The following PKP2 variants were observed in gnomAD, a reference collection of about 807,000 sequenced individuals.
The protein encoded by PKP2 is plakophilin-2.
In PKP2, 73 loss-of-function variants were observed where a neutral mutation model predicts 83.4. That is an observed-to-expected ratio of 0.88 (90% CI 0.72 to 1.06). The LOEUF (loss-of-function observed/expected upper bound fraction) is 1.06, where lower values mean the gene tolerates loss of function less well. PKP2 is among the 50% of genes least tolerant of loss of function. PKP2 has a pLI of 0.00. For missense variants in PKP2, 966 were observed against 1,065.4 expected (o/e 0.91, Z 1.30); for synonymous variants, 409 against 430.4 (o/e 0.95, Z 0.62).
At chr12:32,881,152 C>T (rs753087588) in intron 1 of PKP2, among the ~76,000 whole-genome samples, 1 of 152,156 alleles carries the variant, frequency 6.6e-6, no homozygotes, top group African/African-American at 2.4e-5. Context: ...TAAATCCATC[C>T]TAAATTATGT....
intron 6 of PKP2, among the ~76,000 whole-genome samples, chr12:32,829,466 G>T (rs991967170): frequency 1.3e-5 from 2 of 151,660 alleles, no homozygotes; most frequent in Admixed American, 6.6e-5. Flanking sequence ...GCCCAGGCTG[G>T]TTTCAAACTC....
At chr12:32,853,560 G>A (rs1043768375) in intron 4 of PKP2, among the ~76,000 whole-genome samples, 7 of 147,524 alleles carry the variant, frequency 4.7e-5, no homozygotes, top group African/African-American at 1.8e-4. Context: ...AGGTTGGAGT[G>A]CAGTGACACG....
chr12:32,861,265 C>A (rs1314308730), intron 4 of PKP2, among the ~76,000 whole-genome samples: 1 of 152,040 alleles, frequency 6.6e-6, no homozygotes, highest in Non-Finnish European at 1.5e-5. Context: ...CTAGAATAGA[C>A]ACAGATATTA....
chr12:32,836,114 C>G (rs1321413979), intron 6 of PKP2, among the ~76,000 whole-genome samples: 1 of 152,222 alleles, frequency 6.6e-6, no homozygotes, highest in Non-Finnish European at 1.5e-5. Context: ...GATTTTCCCA[C>G]TCATTAAGCT....
At chr12:32,871,529 G>A (rs1239893502) in intron 3 of PKP2, among the ~76,000 whole-genome samples, 1 of 151,808 alleles carries the variant, frequency 6.6e-6, no homozygotes, top group Non-Finnish European at 1.5e-5. Flanking sequence ...GCAGTGGCAC[G>A]ATCTCGGCTC....
intron 9 of PKP2, among the ~76,000 whole-genome samples, chr12:32,808,767 C>T (rs1298275780): frequency 1.3e-5 from 2 of 152,114 alleles, no homozygotes; most frequent in East Asian, 1.9e-4. Context: ...GCTACTGACT[C>T]TTAGCAACCA....
At chr12:32,852,287 G>A (rs758990235) in intron 4 of PKP2, among the ~76,000 whole-genome samples, 30 of 152,160 alleles carry the variant, frequency 2.0e-4, no homozygotes, top group Non-Finnish European at 3.8e-4. Context: ...TATGCTCAGC[G>A]GAGAGCTGCA....
chr12:32,851,676 G>A (rs1956697664), intron 4 of PKP2, among the ~76,000 whole-genome samples: 1 of 152,120 alleles, frequency 6.6e-6, no homozygotes, highest in African/African-American at 2.4e-5. Flanking sequence ...CACCATGTTA[G>A]CTGGGATGGT....
chr12:32,792,794 G>C, intron 11 of PKP2, 63 bp from the exon 12 acceptor site: 2 of 1,295,766 alleles, frequency 1.5e-6, no homozygotes, highest in Non-Finnish European at 2.2e-6. Context: ...TGCGGCCTGT[G>C]GGTGTTCTGT....
chr12:32,864,380 T>C (rs887022979), intron 4 of PKP2, among the ~76,000 whole-genome samples: 2 of 150,060 alleles, frequency 1.3e-5, no homozygotes, highest in African/African-American at 2.4e-5. Context: ...TTATCTATTC[T>C]ATATACTAGC....
intron 4 of PKP2, among the ~76,000 whole-genome samples, chr12:32,861,833 T>C (rs1956800421): frequency 6.6e-6 from 1 of 152,180 alleles, no homozygotes; most frequent in Non-Finnish European, 1.5e-5. Context: ...AAGATAAGGA[T>C]GACAGGAGAT....
At chr12:32,889,010 C>T (rs898586939) in intron 1 of PKP2, among the ~76,000 whole-genome samples, 2 of 152,172 alleles carry the variant, frequency 1.3e-5, no homozygotes, top group African/African-American at 4.8e-5. Flanking sequence ...AAAACTCCTG[C>T]ACTTTTCATG....
chr12:32,838,916 C>G (rs186958251), intron 6 of PKP2, among the ~76,000 whole-genome samples: 32 of 152,248 alleles, frequency 2.1e-4, no homozygotes, highest in African/African-American at 7.2e-4. Context: ...TTTCATAGAA[C>G]ATTTATGAAC....
chr12:32,846,541 T>A (rs1442158566), intron 5 of PKP2, among the ~76,000 whole-genome samples: 1 of 151,848 alleles, frequency 6.6e-6, no homozygotes, highest in Non-Finnish European at 1.5e-5. Context: ...GGTCGGGAGT[T>A]CGAGACCAGC....
At chr12:32,815,064 C>A (rs1017322981) in intron 9 of PKP2, among the ~76,000 whole-genome samples, 1 of 152,026 alleles carries the variant, frequency 6.6e-6, no homozygotes, top group Non-Finnish European at 1.5e-5. Context: ...ATTGCTAGGG[C>A]GAACAATGCA....
At chr12:32,857,184 G>T (rs908931849) in intron 4 of PKP2, among the ~76,000 whole-genome samples, 11 of 152,202 alleles carry the variant, frequency 7.2e-5, no homozygotes, top group African/African-American at 1.7e-4. Context: ...AGCACTTTGG[G>T]AGGCCAAGGT....
intron 4 of PKP2, among the ~76,000 whole-genome samples, chr12:32,862,157 A>C (rs553190564): frequency 6.6e-6 from 1 of 152,232 alleles, no homozygotes; most frequent in East Asian, 1.9e-4. Flanking sequence ...TCAGTCCTCC[A>C]AAGGGCTGGG....
chr12:32,878,399 A>G lies in PKP2; in HGVS notation c.481T>C (p.Tyr161His), dbSNP rs1428812607. The change falls in exon 3 of 13, where the codon TAC becomes CAC. Residue 161 changes from tyrosine (Y) to histidine (H), a missense_variant. Transcript: ENST00000340811. Reference sequence around the variant, plus strand: ...CTGTACTGGTAATCGCTGTGCGTGTAGTGAGCCCTCTCCGGGCTGCTGTCA... The same window carrying G: ...CTGTACTGGTAATCGCTGTGCGTGTGGTGAGCCCTCTCCGGGCTGCTGTCA... ...SPDSSPERAH[Y>H]THSDYQYSQR... The G allele has an allele frequency of 6.2e-7, 1 of 1,613,964 alleles. No individual in the cohort carries two copies. The highest frequency in any genetic ancestry group is 1.7e-5 in the Admixed American group (1 of 60,022).
intron 4 of PKP2, among the ~76,000 whole-genome samples, chr12:32,853,242 G>A (rs999752254): frequency 1.3e-5 from 2 of 152,008 alleles, no homozygotes; most frequent in Non-Finnish European, 2.9e-5. Flanking sequence ...AATGCTCCAA[G>A]GGAGTAATTC....
Sources: gnomAD v4.1 joint callset for allele counts (sites outside exome capture counted in the v4.1 genomes callset) on GRCh38, gnomAD v4.1.1 for gene constraint, MANE v1.5 for transcripts, NCBI Gene and HGNC (gene_info 2026-07-23, HGNC 2026-07-21) for gene names.